Variants in CADM2 observed in about 807,000 individuals in gnomAD.
The protein encoded by CADM2 is cell adhesion molecule 2, also known as immunoglobulin superfamily member 4D.
In CADM2, 12 loss-of-function variants were observed where a neutral mutation model predicts 49.8. The observed-to-expected ratio is 0.24, with a 90% CI of 0.15 to 0.39. The LOEUF is 0.39. Among genes scored for constraint, CADM2 ranks in the 10% least tolerant of loss-of-function variants. CADM2 has a pLI of 1.00. For missense variants in CADM2, 378 were observed against 492.3 expected (o/e 0.77, Z 2.20); for synonymous variants, 214 against 175.4 (o/e 1.22, Z -1.74).
intron 1 of CADM2, among the ~76,000 whole-genome samples, chr3:85,330,556 T>C (rs2044888882): frequency 6.6e-6 from 1 of 152,096 alleles, no homozygotes; most frequent in African/African-American, 2.4e-5. Flanking sequence ...TTTTCTAACA[T>C]GAATAAAATG....
chr3:85,565,057 G>A (rs867382502), intron 1 of CADM2, among the ~76,000 whole-genome samples: 1 of 151,994 alleles, frequency 6.6e-6, no homozygotes, highest in Non-Finnish European at 1.5e-5. Context: ...ATGAACAAAA[G>A]CAATTAGCTG....
At chr3:85,140,100 G>A (rs1036477578) in intron 1 of CADM2, among the ~76,000 whole-genome samples, 10 of 152,250 alleles carry the variant, frequency 6.6e-5, no homozygotes, top group Admixed American at 5.9e-4. Context: ...AGATTCGGGA[G>A]CTGGAAAGCC....
chr3:85,757,179 T>C (rs2069161142), intron 2 of CADM2, among the ~76,000 whole-genome samples: 1 of 152,082 alleles, frequency 6.6e-6, no homozygotes, highest in African/African-American at 2.4e-5. Flanking sequence ...GATACCACAA[T>C]GACAACTTGG....
At chr3:84,962,441 A>G (rs2030628613) in intron 1 of CADM2, among the ~76,000 whole-genome samples, 1 of 152,096 alleles carries the variant, frequency 6.6e-6, no homozygotes, top group Non-Finnish European at 1.5e-5. Context: ...TCCTTGTCTT[A>G]GGCTTGGCTG....
intron 1 of CADM2, among the ~76,000 whole-genome samples, chr3:85,681,675 C>A (rs1258100003): frequency 6.6e-6 from 1 of 152,086 alleles, no homozygotes; most frequent in Admixed American, 6.5e-5. Context: ...CAAATGATTT[C>A]TCAAATTTTC....
intron 1 of CADM2, among the ~76,000 whole-genome samples, chr3:85,290,231 C>T (rs904373015): frequency 1.3e-4 from 20 of 152,276 alleles, no homozygotes; most frequent in East Asian, 5.8e-4. Flanking sequence ...CTTTTCCGAT[C>T]GGCTTAAAAA....
chr3:85,204,447 C>T (rs559900023), intron 1 of CADM2, among the ~76,000 whole-genome samples: 8 of 152,198 alleles, frequency 5.3e-5, no homozygotes, highest in Middle Eastern at 3.4e-3. Context: ...CCTCCTATTT[C>T]GACCTTATTT....
At chr3:85,051,257 T>A (rs2035872702) in intron 1 of CADM2, among the ~76,000 whole-genome samples, 1 of 152,216 alleles carries the variant, frequency 6.6e-6, no homozygotes. Context: ...TTATCATGGC[T>A]GGGGCCATTT....
At chr3:85,729,689 G>T (rs2067851060) in intron 2 of CADM2, among the ~76,000 whole-genome samples, 1 of 152,144 alleles carries the variant, frequency 6.6e-6, no homozygotes, top group South Asian at 2.1e-4. Context: ...CTAGCTTCTT[G>T]GTCTAACGTA....
chr3:85,549,069 G>A (rs1400989081), intron 1 of CADM2, among the ~76,000 whole-genome samples: 1 of 152,186 alleles, frequency 6.6e-6, no homozygotes, highest in Non-Finnish European at 1.5e-5. Flanking sequence ...AGCCAAGTAA[G>A]CATAATCAAT....
intron 5 of CADM2, among the ~76,000 whole-genome samples, chr3:85,894,709 C>T (rs75216706): frequency 0.044 from 6,727 of 152,236 alleles, 326 homozygotes; most frequent in East Asian, 0.2. Context: ...CTGTGTGCAG[C>T]CTCTGGACAT....
chr3:85,945,267 G>A (rs1722515677), intron 7 of CADM2, among the ~76,000 whole-genome samples: 1 of 152,042 alleles, frequency 6.6e-6, no homozygotes, highest in Non-Finnish European at 1.5e-5. Flanking sequence ...AACAGGCTCT[G>A]AAATTGAGGC....
At chr3:85,861,916 A>T (rs1022672262) in intron 3 of CADM2, among the ~76,000 whole-genome samples, 2 of 152,090 alleles carry the variant, frequency 1.3e-5, no homozygotes, top group Non-Finnish European at 2.9e-5. Flanking sequence ...ATATGTCCTG[A>T]TATATTACCA....
intron 1 of CADM2, among the ~76,000 whole-genome samples, chr3:85,062,037 GTCTCTC>G (rs994463032): frequency 3.3e-5 from 5 of 150,544 alleles, no homozygotes; most frequent in Non-Finnish European, 7.4e-5. Flanking sequence ...CTGTCTCTCT[GTCTCTC>G]TCTCTGTCTC....
At chr3:85,313,169 A>G (rs1434914788) in intron 1 of CADM2, among the ~76,000 whole-genome samples, 1 of 152,182 alleles carries the variant, frequency 6.6e-6, no homozygotes, top group African/African-American at 2.4e-5. Flanking sequence ...CTCTCAGGCA[A>G]GCGGCTATCA....
At chr3:85,062,931 T>C (rs2036388633) in intron 1 of CADM2, among the ~76,000 whole-genome samples, 2 of 137,964 alleles carry the variant, frequency 1.4e-5, no homozygotes, top group African/African-American at 3.5e-5. Context: ...AATTTTAGAC[T>C]ATTTGATTTG....
chr3:85,599,975 A>G (rs1374722180), intron 1 of CADM2, among the ~76,000 whole-genome samples: 1 of 151,964 alleles, frequency 6.6e-6, no homozygotes, highest in East Asian at 1.9e-4. Context: ...AAGTTTGTCT[A>G]TTTCCTTAGA....
intron 1 of CADM2, among the ~76,000 whole-genome samples, chr3:85,378,849 C>A (rs919532385): frequency 6.6e-6 from 1 of 151,750 alleles, no homozygotes; most frequent in African/African-American, 2.4e-5. Context: ...AAATGAAACG[C>A]TACCTGTTCC....
chr3:85,956,390 T>C (rs1336873760), intron 7 of CADM2, among the ~76,000 whole-genome samples: 1 of 151,686 alleles, frequency 6.6e-6, no homozygotes, highest in Admixed American at 6.6e-5. Context: ...AACCACTTAA[T>C]ATTTTTATGG....
Sources: allele counts gnomAD v4.1 joint callset (sites outside exome capture counted in the v4.1 genomes callset), GRCh38; gene constraint gnomAD v4.1.1; transcripts MANE v1.5; gene names NCBI Gene and HGNC (gene_info 2026-07-23, HGNC 2026-07-21).